Variants in IP6K2 observed in about 807,000 individuals in gnomAD.
IP6K2 encodes inositol hexakisphosphate kinase 2, also known as ATP:1D-myo-inositol-hexakisphosphate phosphotransferase.
IP6K2 carries 9 observed loss-of-function variants against 43.3 expected under a neutral mutation model. That is an observed-to-expected ratio of 0.21 (90% CI 0.13 to 0.36). The LOEUF (loss-of-function observed/expected upper bound fraction) is 0.36, where lower values mean the gene tolerates loss of function less well. IP6K2 is among the 10% of genes least tolerant of loss of function. The probability of loss-of-function intolerance (pLI) is 1.00; values close to 1 mark genes in which losing one functional copy is unlikely to be tolerated. For missense variants in IP6K2, 332 were observed against 538.4 expected (o/e 0.62, Z 3.79); for synonymous variants, 209 against 202.4 (o/e 1.03, Z -0.28).
chr3:48,695,308 G>C lies in IP6K2; in HGVS notation c.-17C>G. On this transcript the variant is annotated 5_prime_UTR_variant, in exon 2 of 6. Transcript: ENST00000328631. This position sits in a 1 kb window ranked among gnomAD's most constrained non-coding sequence, Gnocchi z 4.6. The stretch of plus-strand genomic sequence containing the variant: ...TGGGCTCATCCTCCGGGCGCAGATG[G>C]CGGGGAGATGGGGGAGGCAGCGGAG... The C allele has an allele frequency of 6.3e-7, 1 of 1,598,384 alleles. No homozygotes were observed. Among genetic ancestry groups the C allele is most frequent in the East Asian group, 2.2e-5 (1 of 44,580 alleles).
intron 4 of IP6K2, among the ~76,000 whole-genome samples, chr3:48,690,203 G>A (rs6806356): frequency 0.81 from 122,581 of 152,208 alleles, 49,614 homozygotes; most frequent in East Asian, 1. Context: ...GAGTGTCTCT[G>A]GTGCACAGAC....
At chr3:48,693,942 T>C (rs2078019716) in intron 2 of IP6K2, 7 of 1,357,034 alleles carry the variant, frequency 5.2e-6, no homozygotes, top group Middle Eastern at 5.5e-4. Context: ...TCTTTGAGGA[T>C]GGGGCTGTCA....
intron 1 of IP6K2, chr3:48,711,460 C>T (rs2080504891): frequency 6.6e-6 from 1 of 152,210 alleles, no homozygotes; most frequent in Admixed American, 6.5e-5. Context: ...GCCCAAAGAC[C>T]TGAGGAAGAG....
chr3:48,708,019 C>G (rs1267491237), intron 1 of IP6K2: 1 of 152,114 alleles, frequency 6.6e-6, no homozygotes, highest in Admixed American at 6.6e-5. Flanking sequence ...AACTTTCAGT[C>G]TACCGAGAAA....
rs375467398 is a variant in IP6K2 at position 48,702,449 on chromosome 3, CTT to C, written c.-130-7030_-130-7029del. Among the ~76,000 whole-genome samples the C allele has an allele frequency of 2.5e-3, 367 of 147,116 alleles. 2 individuals carry two copies. The highest frequency in any genetic ancestry group is 7.6e-3 in the African/African-American group (304 of 40,212). Reference sequence around the variant, plus strand: ...GCCCTTTGTGCAAATGTCACCCCCCCTTTTTTTTTTTGAGATAGAGTCTTGCT... The same window carrying C: ...GCCCTTTGTGCAAATGTCACCCCCCCTTTTTTTTTGAGATAGAGTCTTGCT... On this transcript the variant is annotated intron_variant, in intron 1 of 5. Transcript: ENST00000328631.
At chr3:48,689,494 T>C in intron 5 of IP6K2, 44 bp downstream of exon 5, 1 of 1,574,388 alleles carries the variant, frequency 6.4e-7, no homozygotes, top group African/African-American at 1.3e-5. Flanking sequence ...GGTGGGGAAG[T>C]GACAGCCACT....
intron 1 of IP6K2, among the ~76,000 whole-genome samples, chr3:48,714,631 T>C (rs1162256133): frequency 5.3e-5 from 8 of 152,086 alleles, no homozygotes. Context: ...GACCTCATGA[T>C]CCAACCGCCT....
intron 1 of IP6K2, among the ~76,000 whole-genome samples, chr3:48,709,101 A>C (rs2080176051): frequency 6.6e-6 from 1 of 152,246 alleles, no homozygotes; most frequent in Non-Finnish European, 1.5e-5. Flanking sequence ...CATTAGCTTC[A>C]GACAAGATTA....
chr3:48,698,616 G>A (rs923880931), intron 1 of IP6K2, among the ~76,000 whole-genome samples: 3 of 152,122 alleles, frequency 2.0e-5, no homozygotes, highest in South Asian at 2.1e-4. Flanking sequence ...GACTATAGGC[G>A]CACGCCACCA....
chr3:48,695,348 CGTCTTCT>C lies in IP6K2; in HGVS notation c.-64_-58del. 2 of 1,547,472 alleles carry C rather than the reference CGTCTTCT, an allele frequency of 1.3e-6. No individual in the cohort carries two copies. The highest frequency in any genetic ancestry group is 2.4e-5 in the South Asian group (2 of 84,862). On this transcript the variant is annotated 5_prime_UTR_variant, in exon 2 of 6. Coordinates refer to ENST00000328631, the MANE Select transcript of IP6K2 (RefSeq NM_016291.4). The surrounding 1 kb of genome is among the most constrained non-coding windows in gnomAD (Gnocchi z 4.6). ...AGGCAGCGGAGTCCAGCGGCCAGTA[CGTCTTCT>C]GTCTGTTGTTTGTCCGTGTGTCCCT... is the stretch of plus-strand genomic sequence containing the variant.
At chr3:48,697,437 T>C (rs1024839616) in intron 1 of IP6K2, among the ~76,000 whole-genome samples, 1 of 148,474 alleles carries the variant, frequency 6.7e-6, no homozygotes, top group African/African-American at 2.5e-5. Context: ...GCGATTCTCC[T>C]GCCACAACCT....
intron 1 of IP6K2, among the ~76,000 whole-genome samples, chr3:48,704,573 A>G (rs2079474749): frequency 6.6e-6 from 1 of 151,610 alleles, no homozygotes; most frequent in Admixed American, 6.6e-5. Context: ...GGCTCAAGTG[A>G]TCCTCCCACC....
chr3:48,697,643 T>C (rs1318500568), intron 1 of IP6K2, among the ~76,000 whole-genome samples: 3 of 151,572 alleles, frequency 2.0e-5, no homozygotes, highest in Non-Finnish European at 2.9e-5. Flanking sequence ...ACTTGGCCAA[T>C]TTTTAATTTT....
In IP6K2 at chr3:48,695,076, C is replaced by A; in HGVS notation, c.202+14G>T. On this transcript the variant is annotated intron_variant, in intron 2 of 5. Coordinates refer to ENST00000328631, the MANE Select transcript of IP6K2 (RefSeq NM_016291.4). This position sits in a 1 kb window ranked among gnomAD's most constrained non-coding sequence, Gnocchi z 4.6. ...CTCGCCAGTGTGGCAACCCCTCCAG[C>A]AGCTGGGACTTACCTTTGTACTGGG... 3 of 1,614,064 alleles carry A rather than the reference C, an allele frequency of 1.9e-6. No homozygotes were observed. Among genetic ancestry groups the A allele is most frequent in the Non-Finnish European group, 2.5e-6 (3 of 1,179,902 alleles).
At chr3:48,714,981 G>A (rs971567590) in intron 1 of IP6K2, among the ~76,000 whole-genome samples, 8 of 151,932 alleles carry the variant, frequency 5.3e-5, no homozygotes, top group Non-Finnish European at 1.2e-4. Flanking sequence ...GCATCATCTC[G>A]GCAAATTGAC....
chr3:48,691,289 C>A lies in IP6K2; in HGVS notation c.604+18G>T. 6.3e-7 allele frequency: 1 copy of A among 1,597,240 alleles called. No individual in the cohort carries two copies. Among genetic ancestry groups the A allele is most frequent in the Non-Finnish European group, 8.6e-7 (1 of 1,169,506 alleles). On this transcript the variant is annotated intron_variant, in intron 4 of 5. Coordinates refer to ENST00000328631, the MANE Select transcript of IP6K2 (RefSeq NM_016291.4). ...CCTCTTACCCTCAAATGCAGAGATGCCCGTGAACAAAGGATACTGTACTGG... is the reference window on the plus strand; with the variant it reads ...CCTCTTACCCTCAAATGCAGAGATGACCGTGAACAAAGGATACTGTACTGG...
intron 1 of IP6K2, among the ~76,000 whole-genome samples, chr3:48,696,042 C>T (rs527985248): frequency 6.6e-6 from 1 of 151,752 alleles, no homozygotes; most frequent in Non-Finnish European, 1.5e-5. Flanking sequence ...CACACCACCA[C>T]ACCCAGCTAA....
At chr3:48,710,112 C>T (rs1240800836) in intron 1 of IP6K2, among the ~76,000 whole-genome samples, 1 of 152,172 alleles carries the variant, frequency 6.6e-6, no homozygotes, top group African/African-American at 2.4e-5. Flanking sequence ...TGAGGCCAGG[C>T]ACGGAGGCTC....
At chr3:48,716,475 A>G (rs1409028703) in intron 1 of IP6K2, 1 of 152,230 alleles carries the variant, frequency 6.6e-6, no homozygotes, top group African/African-American at 2.4e-5. Flanking sequence ...AACGAATACA[A>G]TCCTAAAATG....
Sources: gnomAD v4.1 joint callset for allele counts (sites outside exome capture counted in the v4.1 genomes callset) on GRCh38, gnomAD v4.1.1 for gene constraint, Gnocchi (gnomAD v3.1) non-coding constraint, MANE v1.5 for transcripts, NCBI Gene and HGNC (gene_info 2026-07-23, HGNC 2026-07-21) for gene names.